The following ROS1 variants were observed in gnomAD, a reference collection of about 807,000 sequenced individuals.
ROS1 encodes the protein proto-oncogene tyrosine-protein kinase ROS.
ROS1 carries 263 observed loss-of-function variants against 273.5 expected under a neutral mutation model. That is an observed-to-expected ratio of 0.96 (90% CI 0.87 to 1.06). ROS1 has a LOEUF of 1.06. ROS1 is among the 50% of genes least tolerant of loss of function. The pLI is 0.00. For missense variants in ROS1, 2,833 were observed against 2,751.1 expected, an observed-to-expected ratio of 1.03 and a Z score of -0.67; for synonymous variants, 1,008 against 954.1, an observed-to-expected ratio of 1.06 and a Z score of -1.04.
intron 27 of ROS1, among the ~76,000 whole-genome samples, chr6:117,349,580 T>C (rs941355671): frequency 6.6e-6 from 1 of 152,072 alleles, no homozygotes; most frequent in African/African-American, 2.4e-5. Context: ...ACTACTAATA[T>C]AGTTAAATTA....
At chr6:117,376,542 T>C (rs991550159) in intron 18 of ROS1, among the ~76,000 whole-genome samples, 2 of 152,104 alleles carry the variant, frequency 1.3e-5, no homozygotes, top group Non-Finnish European at 2.9e-5. Flanking sequence ...AGAAATCTAC[T>C]AGGACATATA....
rs1388837600 is a variant in ROS1 at position 117,342,512 on chromosome 6, A to G, written c.4539T>C (p.Asp1513=). 1 of 1,597,038 alleles carries G rather than the reference A, an allele frequency of 6.3e-7. No homozygotes were observed. The highest frequency in any genetic ancestry group is 8.6e-7 in the Non-Finnish European group (1 of 1,166,636). The part of the protein sequence containing the change: ...EFQDSIALIE[D]LQPFSTYMIQ... ...TCATGTATGTTGAAAATGGTTGTAA[A>G]TCTTCAATAAGAGCTATACTGTCCT... Residue 1513 remains aspartate, a synonymous_variant, in exon 29 of 44, where the codon GAT becomes GAC. Coordinates refer to ENST00000368507, the MANE Select transcript of ROS1 (RefSeq NM_001378902.1).
At chr6:117,396,009 T>C (rs962754631) in intron 9 of ROS1, among the ~76,000 whole-genome samples, 179 bp downstream of exon 9, 3 of 152,166 alleles carry the variant, frequency 2.0e-5, no homozygotes, top group Non-Finnish European at 4.4e-5. Flanking sequence ...CTTACTTTAA[T>C]TCATCAAATA....
At chr6:117,346,103 A>G (rs1778351003) in intron 27 of ROS1, among the ~76,000 whole-genome samples, 1 of 152,210 alleles carries the variant, frequency 6.6e-6, no homozygotes, top group Admixed American at 6.5e-5. Flanking sequence ...TGATCTGAAC[A>G]GAGAATGGGA....
chr6:117,292,690 C>T (rs939163928), intron 43 of ROS1, among the ~76,000 whole-genome samples: 1 of 152,234 alleles, frequency 6.6e-6, no homozygotes, highest in African/African-American at 2.4e-5. Flanking sequence ...GACTTCTCCG[C>T]TTAGATATGC....
At chr6:117,399,894 C>T (rs1773807070) in intron 7 of ROS1, among the ~76,000 whole-genome samples, 1 of 152,218 alleles carries the variant, frequency 6.6e-6, no homozygotes, top group African/African-American at 2.4e-5. Flanking sequence ...ATTCTATGTG[C>T]AGTTGCCAAA....
At chr6:117,424,870 C>A (rs1408698796) in intron 1 of ROS1, among the ~76,000 whole-genome samples, 1 of 152,032 alleles carries the variant, frequency 6.6e-6, no homozygotes, top group African/African-American at 2.4e-5. Context: ...AGGAAGAGTG[C>A]ATTTTCTCTG....
chr6:117,348,306 T>C (rs1021356903), intron 27 of ROS1, among the ~76,000 whole-genome samples: 2 of 151,992 alleles, frequency 1.3e-5, no homozygotes, highest in African/African-American at 4.8e-5. Context: ...CTTCTGTGAG[T>C]TTTGGCATAT....
intron 14 of ROS1, among the ~76,000 whole-genome samples, chr6:117,387,552 T>C (rs1006610372): frequency 2.0e-5 from 3 of 152,188 alleles, no homozygotes; most frequent in Admixed American, 1.3e-4. Context: ...TTGGAAAGTT[T>C]AAAATGGCAG....
chr6:117,393,376 A>T (rs2128711334), intron 11 of ROS1, 55 bp from the exon 12 acceptor site: 1 of 1,114,434 alleles, frequency 9.0e-7, no homozygotes, highest in South Asian at 1.3e-5. Flanking sequence ...ACAGCATTAA[A>T]TTCAGCCAAC....
rs1743245278 is a variant in ROS1, at chr6:117,362,740, AT to A, written c.3228del (p.Lys1076AsnfsTer30). The A allele has an allele frequency of 6.2e-7, 1 of 1,613,656 alleles. No homozygotes were observed. The highest frequency in any genetic ancestry group is 1.3e-5 in the African/African-American group (1 of 74,890). ...TTGGATATATTGTAGAAAATTTCAA[AT>A]TTTGTTAACACCCCATTTTCATGCT... The part of the protein sequence containing the change: ...KPKHENGVLT[K>X]FEIFYNISNQ... On this transcript the variant is annotated frameshift_variant, in exon 22 of 44. Transcript: ENST00000368507. LOFTEE classifies it high-confidence loss of function.
Position 117,389,540 on chromosome 6 carries a change from C to T in ROS1, c.1596G>A (p.Leu532=). 4 of 1,614,196 alleles carry T rather than the reference C, an allele frequency of 2.5e-6. No homozygotes were observed. The highest frequency in any genetic ancestry group is 3.4e-6 in the Non-Finnish European group (4 of 1,180,040). ...DGKVIFQQDA[L]SFNEFIVGCD... ...ATCCCACGATGAATTCATTAAAAGA[C>T]AAAGCATCCTGTTGGAAAATGACCT... Residue 532 remains leucine (L), a synonymous_variant, in exon 13 of 44, where the codon TTG becomes TTA. Transcript: ENST00000368507.
intron 17 of ROS1, among the ~76,000 whole-genome samples, chr6:117,382,914 ACAGT>A (rs1772270897): frequency 1.3e-5 from 2 of 152,172 alleles, no homozygotes; most frequent in African/African-American, 4.8e-5. Flanking sequence ...AGTTTTTAAA[ACAGT>A]CAGTGCCCAA....
intron 16 of ROS1, 86 bp downstream of exon 16, chr6:117,385,597 T>TAAA: frequency 2.1e-6 from 2 of 954,544 alleles, no homozygotes; most frequent in Admixed American, 2.6e-5. Flanking sequence ...CACAGGTATT[T>TAAA]AAAAAAAAAA....
chr6:117,425,899 C>T lies in ROS1; in HGVS notation c.-243G>A, dbSNP rs537998769. The T allele has an allele frequency of 3.3e-4, 139 of 417,644 alleles. 1 individual carries two copies. The highest frequency in any genetic ancestry group is 2.8e-3 in the South Asian group (103 of 37,438). The allele number at this position is 417,644 out of a possible 1,614,324, so 25.9% of individuals were successfully genotyped here. On this transcript the variant is annotated 5_prime_UTR_variant, in exon 1 of 44. Coordinates refer to ENST00000368507, the MANE Select transcript of ROS1 (RefSeq NM_001378902.1). The stretch of plus-strand genomic sequence containing the variant: ...TATTTCATAACAGCTTCCTTTTACT[C>T]CCATAAAGTCACCCAGTGACTAAAG...
intron 12 of ROS1, among the ~76,000 whole-genome samples, chr6:117,392,890 C>G (rs186610185): frequency 2.0e-5 from 3 of 152,250 alleles, no homozygotes. Context: ...AGTGTTGAGG[C>G]GGAAAGTGAG....
intron 1 of ROS1, among the ~76,000 whole-genome samples, chr6:117,421,030 AC>A (rs66691130): frequency 0.12 from 18,890 of 151,808 alleles, 1,281 homozygotes; most frequent in African/African-American, 0.16. Context: ...GTTTACCTGT[AC>A]CTTTTCCCAA....
At chr6:117,344,911 G>A (rs562992302) in intron 27 of ROS1, among the ~76,000 whole-genome samples, 7 of 152,272 alleles carry the variant, frequency 4.6e-5, no homozygotes, top group Admixed American at 1.3e-4. Flanking sequence ...CAACCATACC[G>A]CAGGCTTAAG....
intron 12 of ROS1, among the ~76,000 whole-genome samples, chr6:117,393,023 T>C (rs535769386): frequency 3.0e-4 from 45 of 152,296 alleles, no homozygotes; most frequent in African/African-American, 1.0e-3. Context: ...AACTACTTTA[T>C]AAGAGTTGAT....
Sources: gnomAD v4.1 joint callset for allele counts (sites outside exome capture counted in the v4.1 genomes callset) on GRCh38, gnomAD v4.1.1 for gene constraint, MANE v1.5 for transcripts, NCBI Gene and HGNC (gene_info 2026-07-23, HGNC 2026-07-21) for gene names.